The following DGKB variants were observed in gnomAD, a reference collection of about 807,000 sequenced individuals.
The protein encoded by DGKB is diacylglycerol kinase beta.
DGKB carries 67 observed loss-of-function variants against 114.3 expected under a neutral mutation model. That is an observed-to-expected ratio of 0.59 (90% CI 0.48 to 0.72). The LOEUF (loss-of-function observed/expected upper bound fraction) is 0.72, where lower values mean the gene tolerates loss of function less well. Ranked by LOEUF, DGKB falls within the 30% of genes least tolerant of loss-of-function variation. The pLI is 0.00. For synonymous variants in DGKB, 398 were observed against 323.1 expected (o/e 1.23, Z -2.49); for missense variants, 907 against 975.2 (o/e 0.93, Z 0.93).
At chr7:14,389,968 C>A (rs1821072520) in intron 21 of DGKB, among the ~76,000 whole-genome samples, 1 of 152,146 alleles carries the variant, frequency 6.6e-6, no homozygotes, top group East Asian at 1.9e-4. Flanking sequence ...ATTCAACCCC[C>A]TTTAGAGTGA....
chr7:14,214,057 C>G (rs1461617499), intron 23 of DGKB, among the ~76,000 whole-genome samples: 2 of 152,056 alleles, frequency 1.3e-5, no homozygotes, highest in African/African-American at 2.4e-5. Flanking sequence ...TTGTTCATCT[C>G]TGATGCCACC....
intron 20 of DGKB, among the ~76,000 whole-genome samples, chr7:14,556,286 A>G (rs1795857493): frequency 1.3e-5 from 2 of 152,120 alleles, no homozygotes; most frequent in South Asian, 2.1e-4. Flanking sequence ...TAACATAATA[A>G]CTGGTAATAT....
chr7:14,813,683 T>C (rs1843719819), intron 2 of DGKB, among the ~76,000 whole-genome samples: 1 of 152,200 alleles, frequency 6.6e-6, no homozygotes, highest in Non-Finnish European at 1.5e-5. Context: ...CTTACTCCTG[T>C]CATCTTGCTT....
intron 20 of DGKB, among the ~76,000 whole-genome samples, chr7:14,485,867 G>A (rs1400774487): frequency 6.7e-6 from 1 of 148,822 alleles, no homozygotes; most frequent in South Asian, 2.1e-4. Context: ...CTCTGGCCTG[G>A]GTAACAAGAA....
At chr7:14,953,621 C>G (rs1387254520) in intron 1 of DGKB, among the ~76,000 whole-genome samples, 1 of 152,064 alleles carries the variant, frequency 6.6e-6, no homozygotes, top group Non-Finnish European at 1.5e-5. Flanking sequence ...TGCAGCCACA[C>G]TGGAAAACAT....
At chr7:14,223,403 G>T (rs2128326801) in intron 23 of DGKB, among the ~76,000 whole-genome samples, 2 of 151,598 alleles carry the variant, frequency 1.3e-5, no homozygotes. Context: ...CCTACATAAT[G>T]CAACTTCCTT....
At chr7:14,771,564 T>C (rs1837415672) in intron 2 of DGKB, among the ~76,000 whole-genome samples, 1 of 152,080 alleles carries the variant, frequency 6.6e-6, no homozygotes, top group Non-Finnish European at 1.5e-5. Flanking sequence ...CAAATTCTTT[T>C]CTATGGGGTC....
chr7:14,183,893 G>A (rs188276170), intron 23 of DGKB, among the ~76,000 whole-genome samples: 3 of 152,162 alleles, frequency 2.0e-5, no homozygotes, highest in Non-Finnish European at 2.9e-5. Context: ...CAGCAATCTC[G>A]AGAGGACACA....
intron 23 of DGKB, among the ~76,000 whole-genome samples, chr7:14,254,121 G>A (rs991065095): frequency 6.6e-6 from 1 of 152,156 alleles, no homozygotes; most frequent in African/African-American, 2.4e-5. Flanking sequence ...TTCTATAGAT[G>A]AAAATTTTCG....
intron 23 of DGKB, among the ~76,000 whole-genome samples, chr7:14,185,098 G>A (rs111850953): frequency 0.021 from 3,246 of 152,226 alleles, 96 homozygotes; most frequent in African/African-American, 0.067. Flanking sequence ...ACTGTTTGCT[G>A]ATGATATAAT....
At chr7:14,632,160 C>A (rs1563735234) in intron 13 of DGKB, among the ~76,000 whole-genome samples, 1 of 151,730 alleles carries the variant, frequency 6.6e-6, no homozygotes, top group Non-Finnish European at 1.5e-5. Flanking sequence ...TTACCATGCC[C>A]AAAAAGTAAA....
chr7:14,810,671 C>T (rs1843317931), intron 2 of DGKB, among the ~76,000 whole-genome samples: 1 of 152,062 alleles, frequency 6.6e-6, no homozygotes, highest in Non-Finnish European at 1.5e-5. Flanking sequence ...AATCTTGGCA[C>T]GATCTTGGCT....
intron 23 of DGKB, among the ~76,000 whole-genome samples, chr7:14,244,735 C>G (rs1240349819): frequency 1.3e-5 from 2 of 150,750 alleles, no homozygotes; most frequent in African/African-American, 4.9e-5. Context: ...GGGTAGAGCC[C>G]TCATGAGGGT....
At chr7:14,472,042 T>C (rs1368640310) in intron 21 of DGKB, among the ~76,000 whole-genome samples, 2 of 152,208 alleles carry the variant, frequency 1.3e-5, no homozygotes, top group Non-Finnish European at 2.9e-5. Flanking sequence ...TCGCTGGCCA[T>C]AAGTGCTTAC....
At chr7:14,796,376 T>G (rs762045109) in intron 2 of DGKB, among the ~76,000 whole-genome samples, 25 of 152,268 alleles carry the variant, frequency 1.6e-4, no homozygotes, top group Admixed American at 2.6e-4. Flanking sequence ...AAAATTAAAG[T>G]TGAACACACT....
At chr7:14,433,748 C>T (rs1386278228) in intron 21 of DGKB, among the ~76,000 whole-genome samples, 11 of 152,010 alleles carry the variant, frequency 7.2e-5, no homozygotes, top group South Asian at 4.1e-4. Flanking sequence ...TTATCTAAAA[C>T]GTTTGGGACT....
intron 2 of DGKB, among the ~76,000 whole-genome samples, chr7:14,764,413 A>G (rs547118886): frequency 6.6e-6 from 1 of 152,122 alleles, no homozygotes; most frequent in East Asian, 1.9e-4. Flanking sequence ...AGTACTTAAA[A>G]GTAGTGAAAT....
intron 23 of DGKB, among the ~76,000 whole-genome samples, chr7:14,331,983 G>T (rs1809798046): frequency 6.6e-6 from 1 of 152,168 alleles, no homozygotes; most frequent in Non-Finnish European, 1.5e-5. Context: ...ATATGGAAAA[G>T]CTTATTCTGG....
At chr7:14,600,896 C>T (rs941644192) in intron 17 of DGKB, among the ~76,000 whole-genome samples, 3 of 152,184 alleles carry the variant, frequency 2.0e-5, no homozygotes, top group African/African-American at 7.2e-5. Context: ...TGAATGCCAA[C>T]AGCTCTCTCA....
Sources: allele counts gnomAD v4.1 joint callset (sites outside exome capture counted in the v4.1 genomes callset), GRCh38; gene constraint gnomAD v4.1.1; transcripts MANE v1.5; gene names NCBI Gene and HGNC (gene_info 2026-07-23, HGNC 2026-07-21).